Variants in LARGE1 observed in about 807,000 individuals in gnomAD.
LARGE1 encodes the protein LARGE xylosyl- and glucuronyltransferase 1, also known as xylosyl- and glucuronyltransferase LARGE1.
Under a neutral mutation model 87.6 loss-of-function variants are expected in LARGE1, and 43 were observed. That is an observed-to-expected ratio of 0.49 (90% CI 0.38 to 0.63). The LOEUF is 0.63. Among genes scored for constraint, LARGE1 ranks in the 30% least tolerant of loss-of-function variants. The pLI is 0.00. For synonymous variants in LARGE1, 434 were observed against 394.6 expected, an observed-to-expected ratio of 1.10 and a Z score of -1.18; for missense variants, 802 against 1,000.2, an observed-to-expected ratio of 0.80 and a Z score of 2.67.
rs10567981 is a variant in LARGE1, at chr22:33,676,372, CAAAAAAAAAAAAAAAAAAAA to C, written c.107-25724_107-25705del. On this transcript the variant is annotated intron_variant, in intron 2 of 14. Coordinates refer to ENST00000397394, the MANE Select transcript of LARGE1 (RefSeq NM_133642.5). ...ACATCATATGTTACAGATTCAATGG[CAAAAAAAAAAAAAAAAAAAA>C]AAAAAAAAAAAAGCTGGCTGGTTAA... Among the ~76,000 whole-genome samples, 4 of 16,284 alleles carry C rather than the reference CAAAAAAAAAAAAAAAAAAAA, an allele frequency of 2.5e-4. 1 individual carries two copies. The allele number at this position is 16,284 out of a possible 152,430, so 10.7% of individuals were successfully genotyped here. A position where few individuals can be genotyped will look rare whatever the true frequency, so the allele number is the denominator to read the frequency against.
chr22:33,262,949 G>A (rs955572219), intron 11 of LARGE1, among the ~76,000 whole-genome samples: 2 of 150,814 alleles, frequency 1.3e-5, no homozygotes, highest in African/African-American at 4.9e-5. Flanking sequence ...TTGGACTGCA[G>A]TGGACTGATC....
intron 6 of LARGE1, among the ~76,000 whole-genome samples, chr22:33,441,030 T>C (rs959926557): frequency 1.3e-5 from 2 of 151,264 alleles, no homozygotes; most frequent in East Asian, 1.9e-4. Context: ...TGTTTTTTTT[T>C]CCTATGTGTC....
At chr22:33,734,734 T>C (rs2083595399) in intron 2 of LARGE1, among the ~76,000 whole-genome samples, 1 of 152,110 alleles carries the variant, frequency 6.6e-6, no homozygotes, top group South Asian at 2.1e-4. Context: ...GACTGGTCTA[T>C]AAACTAAGTG....
intron 11 of LARGE1, among the ~76,000 whole-genome samples, chr22:33,174,720 G>A (rs1376972511): frequency 1.3e-5 from 2 of 152,018 alleles, no homozygotes; most frequent in Non-Finnish European, 2.9e-5. Context: ...ACACCTCTAC[G>A]CAAGTAAACT....
intron 1 of LARGE1, among the ~76,000 whole-genome samples, chr22:33,898,295 GC>G (rs1200341222): frequency 6.6e-6 from 1 of 151,566 alleles, no homozygotes; most frequent in African/African-American, 2.4e-5. Context: ...GGGCCCAAGT[GC>G]CCCGCCCCCC....
chr22:33,418,999 T>C (rs1412476872), intron 7 of LARGE1, among the ~76,000 whole-genome samples: 1 of 152,112 alleles, frequency 6.6e-6, no homozygotes, highest in African/African-American at 2.4e-5. Flanking sequence ...ATCCTCACCC[T>C]GCTATAAAGA....
At chr22:33,526,207 A>T (rs1292175332) in intron 6 of LARGE1, among the ~76,000 whole-genome samples, 2 of 152,270 alleles carry the variant, frequency 1.3e-5, no homozygotes, top group Non-Finnish European at 2.9e-5. Flanking sequence ...GACTGTATTT[A>T]TAAGAGAAAA....
intron 4 of LARGE1, among the ~76,000 whole-genome samples, chr22:33,613,066 G>C (rs1383166959): frequency 6.6e-6 from 1 of 152,148 alleles, no homozygotes. Flanking sequence ...GCTTGCCTGA[G>C]AATATACAAA....
At chr22:33,284,475 G>A (rs947942369) in intron 12 of LARGE1, among the ~76,000 whole-genome samples, 7 of 152,070 alleles carry the variant, frequency 4.6e-5, no homozygotes, top group African/African-American at 9.7e-5. Flanking sequence ...GATCCTGCAC[G>A]CCTGGGTTTG....
intron 4 of LARGE1, among the ~76,000 whole-genome samples, chr22:33,625,464 A>G (rs74382016): frequency 3.3e-5 from 5 of 152,326 alleles, no homozygotes; most frequent in East Asian, 3.9e-4. Flanking sequence ...ACGAGAGTCA[A>G]TGGAGATCAT....
chr22:33,593,722 A>T (rs2078906240), intron 5 of LARGE1, among the ~76,000 whole-genome samples: 1 of 152,240 alleles, frequency 6.6e-6, no homozygotes, highest in African/African-American at 2.4e-5. Flanking sequence ...ATATCTCAGT[A>T]ATTCTCAAAA....
intron 6 of LARGE1, among the ~76,000 whole-genome samples, chr22:33,471,887 T>C (rs2068857918): frequency 6.6e-6 from 1 of 152,078 alleles, no homozygotes; most frequent in Non-Finnish European, 1.5e-5. Flanking sequence ...CCGTCTCTAC[T>C]AAAAATACAA....
At chr22:33,276,525 C>G (rs1246334810) in intron 14 of LARGE1, among the ~76,000 whole-genome samples, 1 of 152,242 alleles carries the variant, frequency 6.6e-6, no homozygotes, top group African/African-American at 2.4e-5. Flanking sequence ...TACTAGAATT[C>G]TGTAGAAGAT....
chr22:33,785,945 G>A (rs1017697370), intron 1 of LARGE1, among the ~76,000 whole-genome samples: 1 of 152,092 alleles, frequency 6.6e-6, no homozygotes, highest in Admixed American at 6.5e-5. Flanking sequence ...AGGGCAGGGT[G>A]GTAAAAAAAT....
intron 6 of LARGE1, among the ~76,000 whole-genome samples, chr22:33,544,769 C>A (rs1308866977): frequency 6.6e-6 from 1 of 152,170 alleles, no homozygotes; most frequent in African/African-American, 2.4e-5. Context: ...CTTACTAGTT[C>A]TGATTGGTTC....
intron 11 of LARGE1, among the ~76,000 whole-genome samples, chr22:33,183,616 A>ACG (rs764842774): frequency 3.1e-5 from 3 of 97,828 alleles, no homozygotes; most frequent in Non-Finnish European, 4.8e-5. Context: ...ACACACACAC[A>ACG]CACGCACACA....
intron 6 of LARGE1, among the ~76,000 whole-genome samples, chr22:33,554,250 G>C (rs1217276196): frequency 6.6e-6 from 1 of 152,058 alleles, no homozygotes; most frequent in Non-Finnish European, 1.5e-5. Flanking sequence ...CATCCAATGA[G>C]CCCTGTGTTA....
intron 10 of LARGE1, among the ~76,000 whole-genome samples, chr22:33,333,708 G>C (rs907053677): frequency 6.6e-6 from 1 of 152,220 alleles, no homozygotes; most frequent in African/African-American, 2.4e-5. Context: ...GAGAACCTCA[G>C]AGGTGAACAG....
chr22:33,667,754 T>C (rs2149254123), intron 2 of LARGE1, among the ~76,000 whole-genome samples: 1 of 152,334 alleles, frequency 6.6e-6, no homozygotes, highest in South Asian at 2.1e-4. Flanking sequence ...ATGTATAAAC[T>C]AGGAACACTT....
Sources: allele counts gnomAD v4.1 joint callset (sites outside exome capture counted in the v4.1 genomes callset), GRCh38; gene constraint gnomAD v4.1.1; transcripts MANE v1.5; gene names NCBI Gene and HGNC (gene_info 2026-07-23, HGNC 2026-07-21).